Variants in ROMO1 observed in about 807,000 individuals in gnomAD.
ROMO1 encodes the protein reactive oxygen species modulator 1.
A neutral mutation model predicts 7.4 loss-of-function variants in ROMO1; 8 were observed. The observed-to-expected ratio is 1.08, with a 90% CI of 0.63 to 1.95. The LOEUF (loss-of-function observed/expected upper bound fraction) is 1.95. ROMO1 is among the 30% of genes most tolerant of loss of function. ROMO1 has a pLI of 0.00. For missense variants in ROMO1, 91 were observed against 115.9 expected (o/e 0.79, Z 0.99); for synonymous variants, 43 against 41.4 (o/e 1.04, Z -0.15).
intron 2 of ROMO1, among the ~76,000 whole-genome samples, chr20:35,700,146 TTTA>T (rs1343683497): frequency 6.6e-6 from 1 of 152,102 alleles, no homozygotes; most frequent in Non-Finnish European, 1.5e-5. Context: ...TACTGTTGCT[TTTA>T]TTTTTTTTTC....
At position 35,699,423 on chromosome 20, in the gene ROMO1, A is replaced by G; in HGVS notation, c.-34A>G. ...CCCCGTCGTTTTCCGTGAGAGACGT[A>G]GAGCTGAGCGACCCAGCCCGCGAGC... On this transcript the variant is annotated 5_prime_UTR_variant, in exon 1 of 3. Transcript: ENST00000374077. This position sits in a 1 kb window ranked among gnomAD's most constrained non-coding sequence, Gnocchi z 4.4. 2 of 1,189,916 alleles carry G rather than the reference A, an allele frequency of 1.7e-6. No homozygotes were observed. Among genetic ancestry groups the G allele is most frequent in the Non-Finnish European group, 2.3e-6 (2 of 878,676 alleles). 73.7% of individuals were successfully genotyped at this position (1,189,916 alleles called of 1,614,324 possible).
Position 35,699,472 on chromosome 20 carries a change from C to G in ROMO1, c.-1+16C>G. On this transcript the variant is annotated intron_variant, in intron 1 of 2. Coordinates refer to ENST00000374077, the MANE Select transcript of ROMO1 (RefSeq NM_080748.3). This position sits in a 1 kb window ranked among gnomAD's most constrained non-coding sequence, Gnocchi z 4.4. ...GCGAGGTGAGGTAGGCGCCGGGCGA[C>G]GCGGGGCCGGAACGCGAAGAGGGTG... The G allele has an allele frequency of 6.5e-6, 8 of 1,227,886 alleles. No homozygotes were observed. The highest frequency in any genetic ancestry group is 7.9e-6 in the Non-Finnish European group (7 of 891,262). 76.1% of individuals were successfully genotyped at this position (1,227,886 alleles called of 1,614,324 possible).
Position 35,699,878 on chromosome 20 carries a change from C to T in ROMO1, c.131+115C>T. 1.5e-6 allele frequency: 2 copies of T among 1,363,114 alleles called. No individual in the cohort carries two copies. Among genetic ancestry groups the T allele is most frequent in the Non-Finnish European group, 9.9e-7 (1 of 1,013,690 alleles). The allele number at this position is 1,363,114 out of a possible 1,614,324, so 84.4% of individuals were successfully genotyped here. On this transcript the variant is annotated intron_variant, in intron 2 of 2. Coordinates refer to ENST00000374077, the MANE Select transcript of ROMO1 (RefSeq NM_080748.3). This position sits in a 1 kb window ranked among gnomAD's most constrained non-coding sequence, Gnocchi z 4.4. ...CTTTCGACTTCCCTCTCTGTCCCCT[C>T]GCGAGCCAGACTCATTCCAAACCAC...
At chr20:35,700,566 C>T (rs1023738844) in intron 2 of ROMO1, among the ~76,000 whole-genome samples, 1 of 152,132 alleles carries the variant, frequency 6.6e-6, no homozygotes, top group South Asian at 2.1e-4. Flanking sequence ...CTGCTGCCTC[C>T]CACAAACTGA....
intron 2 of ROMO1, 47 bp from the exon 3 acceptor site, chr20:35,700,736 GCAGTTAATACTCTTT>G: frequency 7.2e-7 from 1 of 1,391,624 alleles, no homozygotes; most frequent in South Asian, 1.2e-5. Flanking sequence ...TTGGAAAGGA[GCAGTTAATACTCTTT>G]CTGATATTTT....
chr20:35,699,976 G>A lies in ROMO1; in HGVS notation c.131+213G>A, dbSNP rs1367115329. On this transcript the variant is annotated intron_variant, in intron 2 of 2. Transcript: ENST00000374077. This position sits in a 1 kb window ranked among gnomAD's most constrained non-coding sequence, Gnocchi z 4.4. ...AGCTTTAGAGTCAAAATGCTTTCTG[G>A]CCCTTTTCTTACTGGTTCGGTGACT... Among the ~76,000 whole-genome samples the A allele has an allele frequency of 6.6e-6, 1 of 152,156 alleles. No homozygotes were observed. Among genetic ancestry groups the A allele is most frequent in the Non-Finnish European group, 1.5e-5 (1 of 68,024 alleles).
chr20:35,699,846 C>T lies in ROMO1; in HGVS notation c.131+83C>T, dbSNP rs957738141. On this transcript the variant is annotated intron_variant, in intron 2 of 2. Transcript: ENST00000374077. The surrounding 1 kb of genome is among the most constrained non-coding windows in gnomAD (Gnocchi z 4.4). ...CATTCGGCCTGGAGCCTGAACACAG[C>T]CTCCTTCTTTCGACTTCCCTCTCTG... The T allele has an allele frequency of 1.7e-5, 25 of 1,480,180 alleles. No individual in the cohort carries two copies. The Admixed American group carries it at 2.1e-4, about 13-fold the overall frequency. The allele number at this position is 1,480,180 out of a possible 1,614,324, so 91.7% of individuals were successfully genotyped here.
chr20:35,699,766 G>A lies in ROMO1; in HGVS notation c.131+3G>A. ...TTCGGCACCTTTTCCTGTCTCAGGT[G>A]AGGGGCGCGGGCGGTGATCTCTGGG... On this transcript the variant is annotated splice_donor_region_variant and intron_variant, in intron 2 of 2. Transcript: ENST00000374077. The surrounding 1 kb of genome is among the most constrained non-coding windows in gnomAD (Gnocchi z 4.4). 1.2e-6 allele frequency: 2 copies of A among 1,606,130 alleles called. No homozygotes were observed. Among genetic ancestry groups the A allele is most frequent in the Non-Finnish European group, 1.7e-6 (2 of 1,178,870 alleles).
intron 2 of ROMO1, among the ~76,000 whole-genome samples, chr20:35,700,109 C>CAT (rs753710505): frequency 6.6e-6 from 1 of 152,130 alleles, no homozygotes; most frequent in Non-Finnish European, 1.5e-5. Context: ...GCATCTGGCA[C>CAT]ATATTAAGTG....
Position 35,699,719 on chromosome 20 carries a change from G to A in ROMO1, c.87G>A (p.Val29=). The A allele has an allele frequency of 6.2e-7, 1 of 1,613,100 alleles. No homozygotes were observed. The highest frequency in any genetic ancestry group is 1.1e-5 in the South Asian group (1 of 91,076). ...TGGGCTTCGTGATGGGTTGCGCCGT[G>A]GGCATGGCGGCCGGGGCGCTCTTCG... ...VKMGFVMGCA[V]GMAAGALFGT... Residue 29 remains valine, a synonymous_variant, in exon 2 of 3, where the codon GTG becomes GTA. Coordinates refer to ENST00000374077, the MANE Select transcript of ROMO1 (RefSeq NM_080748.3). The surrounding 1 kb of genome is among the most constrained non-coding windows in gnomAD (Gnocchi z 4.4).
At position 35,699,554 on chromosome 20, in the gene ROMO1, C is replaced by T. The variant is rs1463764311; in HGVS notation, c.1-79C>T. On this transcript the variant is annotated intron_variant, in intron 1 of 2. Transcript: ENST00000374077. The surrounding 1 kb of genome is among the most constrained non-coding windows in gnomAD (Gnocchi z 4.4). The stretch of plus-strand genomic sequence containing the variant: ...CCTTACTTCCCCTGAGCCCTTGGGC[C>T]CACTTCCCAGCCTACCGCTTCCGTC... The T allele has an allele frequency of 2.7e-5, 43 of 1,584,430 alleles. No individual in the cohort carries two copies. The highest frequency in any genetic ancestry group is 1.7e-4 in the Middle Eastern group (1 of 5,716).
At position 35,699,628 on chromosome 20, in the gene ROMO1, C is replaced by T. The variant is rs768127318; in HGVS notation, c.1-5C>T. The T allele has an allele frequency of 1.3e-5, 21 of 1,612,600 alleles. No homozygotes were observed. In the Admixed American group the frequency reaches 3.3e-4, roughly 26 times the overall value. ...CCTGGGCCCACACTTTCCTATCCCC[C>T]GCAGATGCCGGTGGCCGTGGGTCCC... On this transcript the variant is annotated splice_polypyrimidine_tract_variant and splice_region_variant and intron_variant, in intron 1 of 2. Transcript: ENST00000374077. This position sits in a 1 kb window ranked among gnomAD's most constrained non-coding sequence, Gnocchi z 4.4.
Position 35,699,570 on chromosome 20 carries a change from C to G in ROMO1, c.1-63C>G. ...CCCTTGGGCCCACTTCCCAGCCTAC[C>G]GCTTCCGTCCCCGCCCGACTCTTGG... On this transcript the variant is annotated intron_variant, in intron 1 of 2. Transcript: ENST00000374077. The surrounding 1 kb of genome is among the most constrained non-coding windows in gnomAD (Gnocchi z 4.4). 6.3e-7 allele frequency: 1 copy of G among 1,599,698 alleles called. No homozygotes were observed.
intron 2 of ROMO1, among the ~76,000 whole-genome samples, chr20:35,700,212 A>C (rs2035233385): frequency 6.6e-6 from 1 of 152,212 alleles, no homozygotes; most frequent in Admixed American, 6.5e-5. Context: ...TTCTGGATAC[A>C]GGATACAGAG....
At position 35,700,517 on chromosome 20, in the gene ROMO1, G is replaced by C. The variant is rs139867363; in HGVS notation, c.132-281G>C. On this transcript the variant is annotated intron_variant, in intron 2 of 2. Transcript: ENST00000374077. ...GGGTCTTAAACTGCAGGCAACACCAGTCAAAAAAGCTGGTTTCTCTATGTA... is the reference window on the plus strand; with the variant it reads ...GGGTCTTAAACTGCAGGCAACACCACTCAAAAAAGCTGGTTTCTCTATGTA... Among the ~76,000 whole-genome samples, 1,125 of 152,182 alleles carry C rather than the reference G, an allele frequency of 7.4e-3. 9 individuals are homozygous for C. The highest frequency in any genetic ancestry group is 0.012 in the Non-Finnish European group (799 of 68,002).
In ROMO1 at chr20:35,699,552, G is replaced by C; in HGVS notation, c.1-81G>C. ...TCCCTTACTTCCCCTGAGCCCTTGG[G>C]CCCACTTCCCAGCCTACCGCTTCCG... On this transcript the variant is annotated intron_variant, in intron 1 of 2. Transcript: ENST00000374077. This position sits in a 1 kb window ranked among gnomAD's most constrained non-coding sequence, Gnocchi z 4.4. 6.3e-7 allele frequency: 1 copy of C among 1,581,438 alleles called. No individual in the cohort carries two copies. The highest frequency in any genetic ancestry group is 1.3e-5 in the African/African-American group (1 of 74,578).
chr20:35,700,736 G>A (rs1376201496), intron 2 of ROMO1, 62 bp from the exon 3 acceptor site: 11 of 1,391,506 alleles, frequency 7.9e-6, no homozygotes, highest in Non-Finnish European at 1.1e-5. Flanking sequence ...TTGGAAAGGA[G>A]CAGTTAATAC....
Position 35,699,881 on chromosome 20 carries a change from G to A in ROMO1, c.131+118G>A. 7.5e-7 allele frequency: 1 copy of A among 1,336,454 alleles called. No individual in the cohort carries two copies. Among genetic ancestry groups the A allele is most frequent in the Non-Finnish European group, 1.0e-6 (1 of 991,830 alleles). The allele number at this position is 1,336,454 out of a possible 1,614,324, so 82.8% of individuals were successfully genotyped here. On this transcript the variant is annotated intron_variant, in intron 2 of 2. Coordinates refer to ENST00000374077, the MANE Select transcript of ROMO1 (RefSeq NM_080748.3). This position sits in a 1 kb window ranked among gnomAD's most constrained non-coding sequence, Gnocchi z 4.4. ...TCGACTTCCCTCTCTGTCCCCTCGC[G>A]AGCCAGACTCATTCCAAACCACCTT... is the stretch of plus-strand genomic sequence containing the variant.
In ROMO1 at chr20:35,699,456, G is replaced by A. The variant is rs1018633563; in HGVS notation, c.-1G>A. On this transcript the variant is annotated splice_region_variant and 5_prime_UTR_variant, in exon 1 of 3. Coordinates refer to ENST00000374077, the MANE Select transcript of ROMO1 (RefSeq NM_080748.3). The surrounding 1 kb of genome is among the most constrained non-coding windows in gnomAD (Gnocchi z 4.4). ...GCGACCCAGCCCGCGAGCGAGGTGA[G>A]GTAGGCGCCGGGCGACGCGGGGCCG... is the stretch of plus-strand genomic sequence containing the variant. 8.4e-7 allele frequency: 1 copy of A among 1,188,684 alleles called. No individual in the cohort carries two copies. Among genetic ancestry groups the A allele is most frequent in the Non-Finnish European group, 1.2e-6 (1 of 861,944 alleles). 73.6% of individuals were successfully genotyped at this position (1,188,684 alleles called of 1,614,324 possible).
Sources: gnomAD v4.1 joint callset for allele counts (sites outside exome capture counted in the v4.1 genomes callset) on GRCh38, gnomAD v4.1.1 for gene constraint, Gnocchi (gnomAD v3.1) non-coding constraint, MANE v1.5 for transcripts, NCBI Gene and HGNC (gene_info 2026-07-23, HGNC 2026-07-21) for gene names.